The following UQCC6 variants were observed in gnomAD, a reference collection of about 807,000 sequenced individuals.
UQCC6 encodes the protein ubiquinol-cytochrome c reductase complex assembly factor 6.
the UQCC6 span, chr12:103,956,612 G>A: frequency 6.7e-7 from 1 of 1,490,088 alleles, no homozygotes. Context: ...AAATAAAATA[G>A]TAGCCCTCCC....
At chr12:103,962,385 A>T in the UQCC6 span, among the ~76,000 whole-genome samples, 228 of 152,154 alleles carry the variant, frequency 1.5e-3, no homozygotes, top group African/African-American at 5.3e-3. Context: ...TGTCTTCTAT[A>T]TTTTCTTCTA....
At chr12:103,953,616 G>A in the UQCC6 span, 2 of 700,938 alleles carry the variant, frequency 2.9e-6, no homozygotes, top group South Asian at 1.5e-5. Context: ...ACATATAAAT[G>A]TTAATAAAGC....
chr12:103,953,242 G>GT, the UQCC6 span: 1 of 666,632 alleles, frequency 1.5e-6, no homozygotes, highest in Non-Finnish European at 2.7e-6. Context: ...AGCAAAAGAG[G>GT]TGGTGAGAAG....
the UQCC6 span, chr12:103,951,743 GC>G: frequency 1.7e-6 from 1 of 594,718 alleles, no homozygotes; most frequent in Non-Finnish European, 3.0e-6. Flanking sequence ...TCCCTTGCTT[GC>G]TACTCAATGA....
chr12:103,956,657 C>T, the UQCC6 span: 4 of 1,551,634 alleles, frequency 2.6e-6, no homozygotes, highest in African/African-American at 5.5e-5. Context: ...TACCTGTGCA[C>T]CACTTCTGCC....
the UQCC6 span, among the ~76,000 whole-genome samples, chr12:103,953,833 G>A: frequency 0.012 from 1,888 of 152,222 alleles, 19 homozygotes; most frequent in Non-Finnish European, 0.018. Flanking sequence ...TAATGAAATG[G>A]GTGAATCAAA....
chr12:103,957,523 G>A, the UQCC6 span, among the ~76,000 whole-genome samples: 1 of 152,066 alleles, frequency 6.6e-6, no homozygotes, highest in Non-Finnish European at 1.5e-5. Context: ...GAGCATTTGC[G>A]TGCTTTTATG....
chr12:103,950,741 T>A, the UQCC6 span: 1 of 152,214 alleles, frequency 6.6e-6, no homozygotes, highest in African/African-American at 2.4e-5. Flanking sequence ...AAGATGGCAT[T>A]TTTACCCAAG....
At chr12:103,961,444 G>A in the UQCC6 span, among the ~76,000 whole-genome samples, 2 of 152,104 alleles carry the variant, frequency 1.3e-5, no homozygotes, top group South Asian at 2.1e-4. Context: ...CTAGACCTTC[G>A]CACTCACTGA....
At chr12:103,950,638 A>G in the UQCC6 span, 1 of 152,228 alleles carries the variant, frequency 6.6e-6, no homozygotes, top group Non-Finnish European at 1.5e-5. Context: ...CATGACCACT[A>G]CAATGTATAT....
At chr12:103,961,537 TTTGTTGTTG>T in the UQCC6 span, among the ~76,000 whole-genome samples, 39,190 of 150,432 alleles carry the variant, frequency 0.26, 5,305 homozygotes, top group Middle Eastern at 0.37. Context: ...ACTGTTTGGT[TTTGTTGTTG>T]TTGTTGTTGT....
At chr12:103,953,635 TTCAAC>T in the UQCC6 span, 3 of 695,304 alleles carry the variant, frequency 4.3e-6, no homozygotes, top group Non-Finnish European at 7.9e-6. Context: ...GCACACTGCT[TTCAAC>T]ACACAGCCAG....
the UQCC6 span, chr12:103,951,436 C>T: frequency 2.8e-6 from 2 of 713,972 alleles, no homozygotes; most frequent in Non-Finnish European, 4.7e-6. Flanking sequence ...TAGCATTAGA[C>T]TAAGTGCTTA....
the UQCC6 span, among the ~76,000 whole-genome samples, chr12:103,955,144 A>T: frequency 6.6e-6 from 1 of 151,978 alleles, no homozygotes; most frequent in Non-Finnish European, 1.5e-5. Context: ...GTGAAACACC[A>T]TATCTACTAA....
chr12:103,960,944 TTC>T, the UQCC6 span, among the ~76,000 whole-genome samples: 1 of 151,040 alleles, frequency 6.6e-6, no homozygotes, highest in Admixed American at 6.6e-5. Flanking sequence ...ACTCCTTTTA[TTC>T]TTTTTTAAAA....
the UQCC6 span, among the ~76,000 whole-genome samples, chr12:103,960,265 G>A: frequency 6.6e-6 from 1 of 151,996 alleles, no homozygotes; most frequent in Non-Finnish European, 1.5e-5. Flanking sequence ...TAGAGACGGG[G>A]TTTCACCACG....
chr12:103,950,355 A>G, the UQCC6 span: 3 of 152,362 alleles, frequency 2.0e-5, no homozygotes, highest in African/African-American at 4.8e-5. Context: ...GTATAAGTTG[A>G]GTTGCAATGC....
chr12:103,959,647 G>C, the UQCC6 span, among the ~76,000 whole-genome samples: 1 of 151,896 alleles, frequency 6.6e-6, no homozygotes. Flanking sequence ...AGGAGGTGGA[G>C]GTTGCAGTGA....
the UQCC6 span, chr12:103,965,459 A>G: frequency 6.6e-6 from 1 of 152,576 alleles, no homozygotes; most frequent in East Asian, 1.9e-4. Context: ...AAGATGGCAC[A>G]GTGGCCTCGA....
Sources: gnomAD v4.1 joint callset for allele counts (sites outside exome capture counted in the v4.1 genomes callset) on GRCh38, gnomAD v4.1.1 for gene constraint, MANE v1.5 for transcripts, NCBI Gene and HGNC (gene_info 2026-07-23, HGNC 2026-07-21) for gene names.